SNTG2: variants seen among roughly 807,000 people sequenced by gnomAD.
SNTG2 encodes the protein gamma-2-syntrophin.
SNTG2 carries 74 observed loss-of-function variants against 70.9 expected under a neutral mutation model. That is an observed-to-expected ratio of 1.04 (90% CI 0.86 to 1.27). The LOEUF is 1.27. Among genes scored for constraint, SNTG2 ranks in the 50% most tolerant of loss-of-function variants. The probability of loss-of-function intolerance (pLI) is 0.00; values close to 1 mark genes in which losing one functional copy is unlikely to be tolerated. For missense variants in SNTG2, 717 were observed against 690.7 expected, an observed-to-expected ratio of 1.04 and a Z score of -0.43; for synonymous variants, 278 against 273.8, an observed-to-expected ratio of 1.02 and a Z score of -0.15.
At chr2:1,135,353 G>A (rs1347473873) in intron 4 of SNTG2, among the ~76,000 whole-genome samples, 4 of 152,074 alleles carry the variant, frequency 2.6e-5, no homozygotes, top group Non-Finnish European at 2.9e-5. Flanking sequence ...AGTCAGATGC[G>A]TCTTCATTGA....
intron 7 of SNTG2, among the ~76,000 whole-genome samples, chr2:1,167,160 A>G (rs1011401081): frequency 5.9e-5 from 9 of 152,206 alleles, no homozygotes; most frequent in African/African-American, 1.9e-4. Flanking sequence ...ACTGAAGCCT[A>G]CAAGCCACCC....
At chr2:1,241,013 A>G (rs1299945089) in intron 11 of SNTG2, among the ~76,000 whole-genome samples, 1 of 152,220 alleles carries the variant, frequency 6.6e-6, no homozygotes, top group Non-Finnish European at 1.5e-5. Flanking sequence ...TCACACAGGA[A>G]ACAGCCTTTA....
At chr2:1,251,156 C>A (rs115726488) in intron 12 of SNTG2, among the ~76,000 whole-genome samples, 1 of 152,118 alleles carries the variant, frequency 6.6e-6, no homozygotes, top group East Asian at 1.9e-4. Context: ...TTGAATTAGC[C>A]CCAGATAGAT....
At chr2:1,297,514 C>T (rs941174981) in intron 14 of SNTG2, among the ~76,000 whole-genome samples, 6 of 152,124 alleles carry the variant, frequency 3.9e-5, no homozygotes, top group African/African-American at 1.4e-4. Context: ...AGCTCCTTCC[C>T]ATCAGCCCAG....
At chr2:1,155,358 C>T (rs13392711) in intron 6 of SNTG2, among the ~76,000 whole-genome samples, 129,360 of 151,664 alleles carry the variant, frequency 0.85, 55,538 homozygotes, top group Middle Eastern at 0.95. Flanking sequence ...ACACCACACA[C>T]ACATGTCCCT....
intron 16 of SNTG2, among the ~76,000 whole-genome samples, chr2:1,342,158 A>C (rs965150401): frequency 6.6e-6 from 1 of 152,210 alleles, no homozygotes; most frequent in Non-Finnish European, 1.5e-5. Flanking sequence ...TCCTCTGTGA[A>C]GACCTCAGGG....
chr2:956,328 A>G (rs1660157753), intron 1 of SNTG2, among the ~76,000 whole-genome samples: 2 of 150,690 alleles, frequency 1.3e-5, no homozygotes, highest in South Asian at 4.3e-4. Context: ...GGACCTTTCC[A>G]AAACTCCTCT....
At chr2:1,205,401 T>C (rs1162223839) in intron 8 of SNTG2, among the ~76,000 whole-genome samples, 1 of 152,228 alleles carries the variant, frequency 6.6e-6, no homozygotes, top group Non-Finnish European at 1.5e-5. Flanking sequence ...TCAGAATGTT[T>C]ATCTTGTGAG....
At chr2:1,239,126 ATTTGCAGAAATG>A (rs66529614) in intron 10 of SNTG2, among the ~76,000 whole-genome samples, 14,625 of 152,188 alleles carry the variant, frequency 0.096, 779 homozygotes, top group South Asian at 0.15. Flanking sequence ...CTTGACTTAT[ATTTGCAGAAATG>A]TTTGTGACGA....
intron 1 of SNTG2, among the ~76,000 whole-genome samples, chr2:1,018,100 T>C (rs1345588664): frequency 6.6e-6 from 1 of 152,160 alleles, no homozygotes; most frequent in Non-Finnish European, 1.5e-5. Flanking sequence ...AAAATATGTA[T>C]GTTGTAGTAT....
intron 7 of SNTG2, among the ~76,000 whole-genome samples, chr2:1,171,059 CAT>C (rs1411314576): frequency 6.6e-6 from 1 of 152,012 alleles, no homozygotes; most frequent in Non-Finnish European, 1.5e-5. Flanking sequence ...TCATATACTA[CAT>C]GTTTTCTAAT....
chr2:1,335,615 A>C (rs539098683), intron 16 of SNTG2, among the ~76,000 whole-genome samples: 1 of 152,248 alleles, frequency 6.6e-6, no homozygotes, highest in African/African-American at 2.4e-5. Flanking sequence ...TAAAAATTAG[A>C]CTGGAGTCCT....
chr2:1,158,044 T>C (rs1670019328), intron 6 of SNTG2, among the ~76,000 whole-genome samples: 1 of 152,172 alleles, frequency 6.6e-6, no homozygotes, highest in Admixed American at 6.5e-5. Context: ...CAGCACACAC[T>C]CAGGTGGGGG....
chr2:990,172 A>C (rs1388645729), intron 1 of SNTG2, among the ~76,000 whole-genome samples: 1 of 152,218 alleles, frequency 6.6e-6, no homozygotes, highest in African/African-American at 2.4e-5. Flanking sequence ...ATGGGTTCTC[A>C]CTGCCATCAG....
chr2:1,110,203 C>T lies in SNTG2; in HGVS notation c.325+11793C>T, dbSNP rs576126214. On this transcript the variant is annotated intron_variant, in intron 4 of 16. Transcript: ENST00000308624. Reference sequence around the variant, plus strand: ...AGTTTTGTCTGGATCCTGTCGTCGTCTAAAGTCATGGCCTGGACACCTGTA... The same window carrying T: ...AGTTTTGTCTGGATCCTGTCGTCGTTTAAAGTCATGGCCTGGACACCTGTA... Among the ~76,000 whole-genome samples the T allele has an allele frequency of 3.3e-5, 5 of 152,332 alleles. No homozygotes were observed. The South Asian group carries it at 8.3e-4, about 25-fold the overall frequency.
At chr2:1,189,815 G>A (rs1201212520) in intron 8 of SNTG2, among the ~76,000 whole-genome samples, 2 of 152,042 alleles carry the variant, frequency 1.3e-5, no homozygotes, top group Non-Finnish European at 2.9e-5. Flanking sequence ...CCAAAGTGCT[G>A]GGATTACAGG....
intron 9 of SNTG2, among the ~76,000 whole-genome samples, chr2:1,229,717 C>T (rs1009113928): frequency 2.6e-5 from 4 of 152,212 alleles, no homozygotes; most frequent in African/African-American, 7.2e-5. Context: ...TCAGGCGTGG[C>T]GGGCTGCAGG....
At chr2:1,229,727 G>A (rs1187918289) in intron 9 of SNTG2, among the ~76,000 whole-genome samples, 3 of 152,232 alleles carry the variant, frequency 2.0e-5, no homozygotes, top group African/African-American at 2.4e-5. Context: ...CGGGCTGCAG[G>A]TCCTAAGTCC....
chr2:1,038,650 C>T (rs901302507), intron 1 of SNTG2, among the ~76,000 whole-genome samples: 4 of 152,170 alleles, frequency 2.6e-5, no homozygotes, highest in African/African-American at 9.7e-5. Context: ...AAAGAACTTG[C>T]TTATAAAATA....
Sources: allele counts gnomAD v4.1 joint callset (sites outside exome capture counted in the v4.1 genomes callset), GRCh38; gene constraint gnomAD v4.1.1; transcripts MANE v1.5; gene names NCBI Gene and HGNC (gene_info 2026-07-23, HGNC 2026-07-21).